Variants in UBAP2 observed in about 807,000 individuals in gnomAD.
UBAP2 encodes ubiquitin-associated protein 2.
In UBAP2, 75 loss-of-function variants were observed where a neutral mutation model predicts 139.6. The ratio of observed to expected loss-of-function variants is 0.54; its 90% CI spans 0.45 to 0.65. The LOEUF (loss-of-function observed/expected upper bound fraction) is 0.65, where lower values mean the gene tolerates loss of function less well. UBAP2 is among the 30% of genes least tolerant of loss of function. UBAP2 has a pLI of 0.00. For missense variants in UBAP2, 1,368 were observed against 1,369.6 expected (o/e 1.00, Z 0.02); for synonymous variants, 526 against 526.2 (o/e 1.00, Z 0.01).
chr9:34,032,487 T>TC (rs1474499513), intron 1 of UBAP2, among the ~76,000 whole-genome samples: 1 of 151,934 alleles, frequency 6.6e-6, no homozygotes, highest in Non-Finnish European at 1.5e-5. Context: ...AAAACCACCT[T>TC]CCCCCTTTGG....
rs1821461520 is a variant in UBAP2 at position 33,989,076 on chromosome 9, A to G, written c.339T>C (p.Asn113=). Residue 113 remains asparagine (N), a synonymous_variant, in exon 5 of 29, where the codon AAT becomes AAC. Coordinates refer to ENST00000379238, the MANE Select transcript of UBAP2 (RefSeq NM_001370062.2). The part of the protein sequence containing the change: ...GCKKKNFAKE[N]SENKENREKK... ...TCTCTCTATTCTCTTTGTTTTCTGAATTTTCTTTTGCAAAATTCTTTTTCT... is the reference window on the plus strand; with the variant it reads ...TCTCTCTATTCTCTTTGTTTTCTGAGTTTTCTTTTGCAAAATTCTTTTTCT... 6.2e-7 allele frequency: 1 copy of G among 1,613,316 alleles called. No homozygotes were observed. The highest frequency in any genetic ancestry group is 1.3e-5 in the African/African-American group (1 of 74,720).
intron 13 of UBAP2, among the ~76,000 whole-genome samples, chr9:33,946,140 A>G (rs1248047024): frequency 6.6e-6 from 1 of 152,256 alleles, no homozygotes; most frequent in African/African-American, 2.4e-5. Context: ...GTATCATTTC[A>G]TATACTTAAG....
chr9:33,986,541 A>C (rs1821231769), intron 6 of UBAP2, among the ~76,000 whole-genome samples: 1 of 152,208 alleles, frequency 6.6e-6, no homozygotes, highest in South Asian at 2.1e-4. Context: ...AATTATTCAT[A>C]GGGCTTTCTC....
intron 1 of UBAP2, among the ~76,000 whole-genome samples, chr9:34,030,118 T>C (rs970053516): frequency 6.7e-6 from 1 of 148,738 alleles, no homozygotes; most frequent in African/African-American, 2.5e-5. Context: ...CTGGGCAACA[T>C]AGAGAGAACC....
chr9:34,036,976 C>T (rs1751115788), intron 1 of UBAP2, among the ~76,000 whole-genome samples: 1 of 143,578 alleles, frequency 7.0e-6, no homozygotes, highest in African/African-American at 2.6e-5. Context: ...GCCACCACAC[C>T]CAGCTATTTT....
intron 6 of UBAP2, among the ~76,000 whole-genome samples, chr9:33,982,435 T>C (rs1467307022): frequency 6.6e-6 from 1 of 152,118 alleles, no homozygotes; most frequent in Non-Finnish European, 1.5e-5. Context: ...AAATAAAAAA[T>C]AGGTAGGTAG....
chr9:33,983,595 GAC>G (rs1198185163), intron 6 of UBAP2, among the ~76,000 whole-genome samples: 1 of 152,166 alleles, frequency 6.6e-6, no homozygotes, highest in East Asian at 1.9e-4. Context: ...TCCCTGGTGA[GAC>G]ACAGTAAAAT....
chr9:34,017,883 C>T (rs13287301), intron 1 of UBAP2, among the ~76,000 whole-genome samples: 1 of 151,256 alleles, frequency 6.6e-6, no homozygotes, highest in African/African-American at 2.4e-5. Context: ...GCCGAGATCG[C>T]GTCACTGTAC....
intron 8 of UBAP2, among the ~76,000 whole-genome samples, chr9:33,966,724 ACT>A (rs1482169561): frequency 1.3e-5 from 2 of 152,152 alleles, no homozygotes; most frequent in Non-Finnish European, 2.9e-5. Flanking sequence ...TAAAAAAAGT[ACT>A]GTTTTTCTTA....
chr9:34,022,433 C>CT (rs11387718), intron 1 of UBAP2, among the ~76,000 whole-genome samples: 57,004 of 112,204 alleles, frequency 0.51, 14,840 homozygotes, highest in African/African-American at 0.53. Context: ...AGCAAGACCC[C>CT]TTTTTTTTTT....
At chr9:34,026,162 TGAG>T (rs1414343135) in intron 1 of UBAP2, among the ~76,000 whole-genome samples, 6 of 152,186 alleles carry the variant, frequency 3.9e-5, no homozygotes, top group East Asian at 1.9e-4. Flanking sequence ...GACAACATAC[TGAG>T]AAGAGGGAAG....
At chr9:33,983,906 T>C (rs1454473541) in intron 6 of UBAP2, among the ~76,000 whole-genome samples, 3 of 152,200 alleles carry the variant, frequency 2.0e-5, no homozygotes, top group Non-Finnish European at 4.4e-5. Flanking sequence ...AGAATAATAC[T>C]GAATCCCTGG....
intron 18 of UBAP2, among the ~76,000 whole-genome samples, 175 bp from the exon 19 acceptor site, chr9:33,932,803 A>G (rs1302299263): frequency 6.6e-6 from 1 of 152,216 alleles, no homozygotes; most frequent in African/African-American, 2.4e-5. Flanking sequence ...GTCCTGGTGG[A>G]CGGGAATGAC....
intron 8 of UBAP2, among the ~76,000 whole-genome samples, chr9:33,970,930 G>A (rs1038909070): frequency 1.4e-4 from 22 of 152,162 alleles, no homozygotes; most frequent in African/African-American, 4.3e-4. Context: ...AGCCTCCCGA[G>A]TAGCTGGGAT....
chr9:33,973,316 C>A, intron 6 of UBAP2, 79 bp from the exon 7 acceptor site: 1 of 1,440,762 alleles, frequency 6.9e-7, no homozygotes, highest in Non-Finnish European at 9.8e-7. Context: ...ATCCTATACT[C>A]ACTACCCAGA....
At chr9:33,940,215 G>T (rs1825086327) in intron 16 of UBAP2, among the ~76,000 whole-genome samples, 1 of 152,054 alleles carries the variant, frequency 6.6e-6, no homozygotes, top group African/African-American at 2.4e-5. Flanking sequence ...CTCTAGAAAG[G>T]CTTCTTCCTA....
intron 1 of UBAP2, among the ~76,000 whole-genome samples, chr9:34,038,681 T>C (rs1195657608): frequency 1.3e-5 from 2 of 152,166 alleles, no homozygotes; most frequent in Non-Finnish European, 2.9e-5. Flanking sequence ...AGTGCCGAGA[T>C]TGTAGCCTCT....
In UBAP2 at chr9:33,948,445, C is replaced by T. The variant is rs903735503; in HGVS notation, c.1199G>A (p.Ser400Asn). 2 of 1,614,140 alleles carry T rather than the reference C, an allele frequency of 1.2e-6. No homozygotes were observed. Among genetic ancestry groups the T allele is most frequent in the Non-Finnish European group, 1.7e-6 (2 of 1,180,028 alleles). The change falls in exon 13 of 29, where the codon AGT (serine) becomes AAT (asparagine). Residue 400 changes from serine (S) to asparagine (N), a missense_variant. By Grantham distance (46) the Ser-to-Asn change is conservative (BLOSUM62 1). Coordinates refer to ENST00000379238, the MANE Select transcript of UBAP2 (RefSeq NM_001370062.2). ...CCAAGAAGTAGTAGTTGTAGGGTGACTTGTACTATTCTGCTGTGTACTTGG... is the reference window on the plus strand; with the variant it reads ...CCAAGAAGTAGTAGTTGTAGGGTGATTTGTACTATTCTGCTGTGTACTTGG... Reference protein sequence around the residue: ...TTPSTQQNSTSHPTTTTSWDL... With the variant: ...TTPSTQQNSTNHPTTTTSWDL...
chr9:33,974,694 G>T (rs974885801), intron 6 of UBAP2, among the ~76,000 whole-genome samples: 1 of 152,194 alleles, frequency 6.6e-6, no homozygotes, highest in Non-Finnish European at 1.5e-5. Context: ...GCTCATGCCT[G>T]TAATCCCAGC....
Sources: gnomAD v4.1 joint callset for allele counts (sites outside exome capture counted in the v4.1 genomes callset) on GRCh38, gnomAD v4.1.1 for gene constraint, MANE v1.5 for transcripts, NCBI Gene and HGNC (gene_info 2026-07-23, HGNC 2026-07-21) for gene names.